Variants in TBC1D4 observed in about 807,000 individuals in gnomAD.
The protein encoded by TBC1D4 is TBC1 domain family member 4.
Under a neutral mutation model 142.5 loss-of-function variants are expected in TBC1D4, and 121 were observed. The observed-to-expected ratio is 0.85, with a 90% CI of 0.73 to 0.99. TBC1D4 has a LOEUF of 0.99. Ranked by LOEUF, TBC1D4 falls within the 50% of genes least tolerant of loss-of-function variation. The pLI, the probability that TBC1D4 is intolerant of heterozygous loss-of-function variation, is 0.00. For synonymous variants in TBC1D4, 630 were observed against 628.2 expected (o/e 1.00, Z -0.04); for missense variants, 1,475 against 1,606.6 (o/e 0.92, Z 1.40).
chr13:75,303,726 G>A (rs892825390), intron 15 of TBC1D4, among the ~76,000 whole-genome samples: 30 of 152,158 alleles, frequency 2.0e-4, no homozygotes, highest in African/African-American at 4.1e-4. Context: ...ACTGAGGCTC[G>A]TTGGCATGAC....
chr13:75,309,927 G>A lies in TBC1D4; in HGVS notation c.2593+15C>T. ...ATCATAGCATCATAGCATTTAGTCTGTTAAAATGGCTAACCTTCAAGTTTC... is the reference window on the plus strand; with the variant it reads ...ATCATAGCATCATAGCATTTAGTCTATTAAAATGGCTAACCTTCAAGTTTC... On this transcript the variant is annotated intron_variant, in intron 14 of 20. Transcript: ENST00000377636. 1 of 1,613,588 alleles carries A rather than the reference G, an allele frequency of 6.2e-7. No homozygotes were observed. The highest frequency in any genetic ancestry group is 8.5e-7 in the Non-Finnish European group (1 of 1,179,560).
At chr13:75,289,200 C>A in intron 19 of TBC1D4, 90 bp from the exon 20 acceptor site, 1 of 1,471,888 alleles carries the variant, frequency 6.8e-7, no homozygotes. Context: ...TGTATATTTC[C>A]AAATACTTAT....
intron 10 of TBC1D4, 150 bp from the exon 11 acceptor site, chr13:75,324,551 G>A: frequency 1.1e-6 from 1 of 892,654 alleles, no homozygotes; most frequent in Non-Finnish European, 1.7e-6. Flanking sequence ...AAAAAAAGAA[G>A]AAGCATGCAG....
At chr13:75,313,259 G>A (rs58352403) in intron 12 of TBC1D4, among the ~76,000 whole-genome samples, 3,214 of 152,306 alleles carry the variant, frequency 0.021, 115 homozygotes, top group African/African-American at 0.072. Flanking sequence ...TTTGAAACAA[G>A]GTAAATATTC....
intron 1 of TBC1D4, among the ~76,000 whole-genome samples, chr13:75,371,084 G>A (rs1378657012): frequency 6.6e-6 from 1 of 152,210 alleles, no homozygotes; most frequent in Non-Finnish European, 1.5e-5. Context: ...AAAGAAAAGA[G>A]TAATCAACAC....
chr13:75,296,105 A>G (rs971148465), intron 17 of TBC1D4, among the ~76,000 whole-genome samples: 1 of 152,176 alleles, frequency 6.6e-6, no homozygotes, highest in Non-Finnish European at 1.5e-5. Context: ...CACAACAAAT[A>G]TCTTTAGAAA....
At chr13:75,395,040 G>A (rs1336536983) in intron 1 of TBC1D4, among the ~76,000 whole-genome samples, 1 of 152,202 alleles carries the variant, frequency 6.6e-6, no homozygotes, top group African/African-American at 2.4e-5. Flanking sequence ...ACTAAGTACA[G>A]AAGTATGTTT....
At chr13:75,477,600 A>T (rs974027966) in intron 1 of TBC1D4, among the ~76,000 whole-genome samples, 2 of 125,202 alleles carry the variant, frequency 1.6e-5, no homozygotes, top group Non-Finnish European at 4.0e-5. Context: ...TTTCAATAAC[A>T]ACTCCTGCTT....
Position 75,341,564 on chromosome 13 carries a change from G to A in TBC1D4, c.1432C>T (p.Leu478=). 1 of 1,614,054 alleles carries A rather than the reference G, an allele frequency of 6.2e-7. No homozygotes were observed. The highest frequency in any genetic ancestry group is 8.5e-7 in the Non-Finnish European group (1 of 1,180,002). ...IEGLYPPRAK[L]VIQRHLSSLT... is the part of the protein sequence containing the mutation. ...GATGAGAGATGCCTCTGTATCACCA[G>A]CTTGGCTCTTGGTGGGTAGAGACCT... The change falls in exon 6 of 21, where the codon CTG becomes TTG. Residue 478 remains leucine (L), a synonymous_variant. Coordinates refer to ENST00000377636, the MANE Select transcript of TBC1D4 (RefSeq NM_014832.5).
intron 13 of TBC1D4, among the ~76,000 whole-genome samples, chr13:75,310,575 C>A (rs1877649104): frequency 6.6e-6 from 1 of 152,192 alleles, no homozygotes; most frequent in East Asian, 1.9e-4. Context: ...CTGAGCAATG[C>A]TGGGCCTCTC....
intron 1 of TBC1D4, among the ~76,000 whole-genome samples, chr13:75,378,188 T>C (rs2138241768): frequency 6.6e-6 from 1 of 152,300 alleles, no homozygotes; most frequent in Non-Finnish European, 1.5e-5. Context: ...GTCAATATAT[T>C]TTAAAGTTCA....
At chr13:75,480,467 C>T (rs1244993555) in intron 1 of TBC1D4, among the ~76,000 whole-genome samples, 1 of 151,946 alleles carries the variant, frequency 6.6e-6, no homozygotes, top group African/African-American at 2.4e-5. Context: ...TCCATAAGGA[C>T]CATATCTGTT....
rs752257476 is a variant in TBC1D4 at position 75,362,175 on chromosome 13, C to T, written c.931G>A (p.Glu311Lys). Residue 311 changes from glutamate (E) to lysine (K), a missense_variant, in exon 2 of 21, where the codon GAG (glutamate) becomes AAG (lysine). Around this residue, in one of 2 missense-constraint regions of TBC1D4, gnomAD observed 1,227 missense variants for 1,267.7 expected, o/e 0.97. Transcript: ENST00000377636. This position sits in a 1 kb window ranked among gnomAD's most constrained non-coding sequence, Gnocchi z 4.2. Reference protein sequence around the residue: ...LEDSGFDEQQEFRSRCSSVTG... With the variant: ...LEDSGFDEQQKFRSRCSSVTG... The stretch of plus-strand genomic sequence containing the variant: ...ACACTGCTGCACCGAGACCGAAACT[C>T]CTGCTGCTCATCAAAGCCAGAATCT... 1.6e-5 allele frequency: 26 copies of T among 1,613,700 alleles called. No homozygotes were observed. Among genetic ancestry groups the T allele is most frequent in the Non-Finnish European group, 2.2e-5 (26 of 1,180,024 alleles).
intron 1 of TBC1D4, among the ~76,000 whole-genome samples, chr13:75,475,450 A>C (rs772738460): frequency 6.6e-6 from 1 of 152,222 alleles, no homozygotes; most frequent in East Asian, 1.9e-4. Context: ...TTTTAAACAA[A>C]CAGAAGCCTT....
At chr13:75,424,883 G>A (rs1441754190) in intron 1 of TBC1D4, among the ~76,000 whole-genome samples, 1 of 152,064 alleles carries the variant, frequency 6.6e-6, no homozygotes, top group Non-Finnish European at 1.5e-5. Context: ...TAAAGACTTA[G>A]ACATAAAATC....
intron 1 of TBC1D4, among the ~76,000 whole-genome samples, chr13:75,459,089 C>A (rs967283904): frequency 6.6e-6 from 1 of 152,208 alleles, no homozygotes; most frequent in Non-Finnish European, 1.5e-5. Flanking sequence ...CGTTGGCACA[C>A]CTGCTTCCGC....
intron 1 of TBC1D4, among the ~76,000 whole-genome samples, chr13:75,472,611 GCGAGGACCATAACTAGATA>G (rs1378662539): frequency 5.5e-4 from 84 of 152,166 alleles, no homozygotes; most frequent in African/African-American, 1.9e-3. Context: ...ACAGGAAGGG[GCGAGGACCATAACTAGATA>G]CTCTCTCAGG....
intron 1 of TBC1D4, among the ~76,000 whole-genome samples, chr13:75,459,014 T>C (rs1257356495): frequency 6.6e-6 from 1 of 152,114 alleles, no homozygotes; most frequent in Non-Finnish European, 1.5e-5. Context: ...CACTACTCTC[T>C]CTTGTCGCAA....
At chr13:75,481,119 G>T (rs1888845575) in intron 1 of TBC1D4, 151 bp downstream of exon 1, 2 of 1,270,866 alleles carry the variant, frequency 1.6e-6, no homozygotes, top group Non-Finnish European at 2.1e-6. Flanking sequence ...CCAGGGAAGG[G>T]GCCAGCCGGC....
Sources: gnomAD v4.1 joint callset for allele counts (sites outside exome capture counted in the v4.1 genomes callset) on GRCh38, gnomAD v4.1.1 for gene constraint, gnomAD v4.1.1 regional missense constraint, Gnocchi (gnomAD v3.1) non-coding constraint, MANE v1.5 for transcripts, NCBI Gene and HGNC (gene_info 2026-07-23, HGNC 2026-07-21) for gene names.